Variants in FSIP1 observed in about 807,000 individuals in gnomAD.
The protein encoded by FSIP1 is fibrous sheath-interacting protein 1.
In FSIP1, 65 loss-of-function variants were observed where a neutral mutation model predicts 60.9. The ratio of observed to expected loss-of-function variants is 1.07; its 90% CI spans 0.87 to 1.31. The LOEUF (loss-of-function observed/expected upper bound fraction) is 1.31, where lower values mean the gene tolerates loss of function less well. Ranked by LOEUF, FSIP1 falls within the 40% of genes most tolerant of loss-of-function variation. The probability of loss-of-function intolerance (pLI) is 0.00; values close to 1 mark genes in which losing one functional copy is unlikely to be tolerated. For missense variants in FSIP1, 675 were observed against 665.5 expected, an observed-to-expected ratio of 1.01 and a Z score of -0.16; for synonymous variants, 209 against 221.2, an observed-to-expected ratio of 0.94 and a Z score of 0.49.
rs557244103 is a variant in FSIP1 at position 39,726,217 on chromosome 15, G to A, written c.1050+372C>T. 1.2e-4 allele frequency among the ~76,000 whole-genome samples: 19 copies of A among 152,228 alleles called. No individual in the cohort carries two copies. In the East Asian group the frequency reaches 3.7e-3, roughly 29 times the overall value. On this transcript the variant is annotated intron_variant, in intron 9 of 11. Coordinates refer to ENST00000350221, the MANE Select transcript of FSIP1 (RefSeq NM_152597.5). ...TAAATTAAAGGAGATAAAAGAATGT[G>A]GTGGAGTAAGGGACAATGGCTGTCA...
At chr15:39,605,268 C>T (rs1890781952) in intron 11 of FSIP1, among the ~76,000 whole-genome samples, 1 of 152,128 alleles carries the variant, frequency 6.6e-6, no homozygotes, top group Admixed American at 6.5e-5. Context: ...GCAGCCTGGA[C>T]ATTCCATCCC....
intron 11 of FSIP1, among the ~76,000 whole-genome samples, chr15:39,614,472 C>T (rs1215865628): frequency 1.3e-5 from 2 of 151,966 alleles, no homozygotes; most frequent in Non-Finnish European, 2.9e-5. Context: ...GGTGAAATCT[C>T]GTCTCTACTA....
intron 10 of FSIP1, among the ~76,000 whole-genome samples, chr15:39,650,318 T>A (rs923912896): frequency 6.6e-6 from 1 of 152,246 alleles, no homozygotes; most frequent in African/African-American, 2.4e-5. Context: ...TGGGAAATGT[T>A]GCCTACTATT....
chr15:39,682,697 G>C (rs966164231), intron 10 of FSIP1, among the ~76,000 whole-genome samples: 3 of 152,168 alleles, frequency 2.0e-5, no homozygotes, highest in African/African-American at 7.2e-5. Flanking sequence ...TTTCTGGTTT[G>C]TTTCCACTAC....
chr15:39,637,425 A>T (rs1892182080), intron 10 of FSIP1, among the ~76,000 whole-genome samples: 1 of 152,228 alleles, frequency 6.6e-6, no homozygotes. Context: ...ATCATGCCAC[A>T]GAATTTAAGG....
chr15:39,733,064 C>G (rs1010167069), intron 8 of FSIP1, among the ~76,000 whole-genome samples: 2 of 151,776 alleles, frequency 1.3e-5, no homozygotes, highest in Non-Finnish European at 2.9e-5. Context: ...TTTTTTGAGA[C>G]GAGTCTCTCT....
chr15:39,698,982 G>T (rs1894942925), intron 10 of FSIP1, among the ~76,000 whole-genome samples: 1 of 152,136 alleles, frequency 6.6e-6, no homozygotes, highest in South Asian at 2.1e-4. Flanking sequence ...CTTTATGATG[G>T]GACAACTGCC....
At chr15:39,683,393 A>T (rs1476748663) in intron 10 of FSIP1, among the ~76,000 whole-genome samples, 5 of 146,202 alleles carry the variant, frequency 3.4e-5, no homozygotes, top group Non-Finnish European at 7.5e-5. Flanking sequence ...TTCATGATTT[A>T]AAAAAAAAAA....
intron 5 of FSIP1, among the ~76,000 whole-genome samples, chr15:39,762,661 C>A (rs1897542515): frequency 6.6e-6 from 1 of 152,178 alleles, no homozygotes; most frequent in Non-Finnish European, 1.5e-5. Context: ...TAATGGCTGG[C>A]TTTCCTCTGA....
At chr15:39,736,392 T>C (rs767822884) in intron 8 of FSIP1, among the ~76,000 whole-genome samples, 7 of 152,250 alleles carry the variant, frequency 4.6e-5, no homozygotes, top group African/African-American at 9.6e-5. Context: ...TCTGTAGATA[T>C]GTTTTTGCTT....
intron 9 of FSIP1, among the ~76,000 whole-genome samples, chr15:39,720,010 T>G (rs1238609686): frequency 6.6e-6 from 1 of 152,178 alleles, no homozygotes; most frequent in South Asian, 2.1e-4. Flanking sequence ...AATGAGCAGA[T>G]GGTCAATAAG....
chr15:39,775,000 C>A (rs573321777), intron 2 of FSIP1, among the ~76,000 whole-genome samples: 3 of 152,124 alleles, frequency 2.0e-5, no homozygotes, highest in Non-Finnish European at 4.4e-5. Flanking sequence ...TTTTGAGGAA[C>A]TAAACTCTTT....
At chr15:39,687,360 G>A (rs1894424080) in intron 10 of FSIP1, among the ~76,000 whole-genome samples, 1 of 151,886 alleles carries the variant, frequency 6.6e-6, no homozygotes. Flanking sequence ...CACCATGTTG[G>A]CCAGGCTGGT....
chr15:39,714,348 T>C (rs16969679), intron 9 of FSIP1, among the ~76,000 whole-genome samples: 18,837 of 151,882 alleles, frequency 0.12, 1,389 homozygotes, highest in African/African-American at 0.2. Context: ...AATTTGGTCC[T>C]GTATCTAAGA....
intron 2 of FSIP1, among the ~76,000 whole-genome samples, chr15:39,774,319 C>T (rs1467421904): frequency 6.6e-6 from 1 of 151,930 alleles, no homozygotes; most frequent in African/African-American, 2.4e-5. Flanking sequence ...CCCATATCTA[C>T]TAAAAATAGA....
intron 10 of FSIP1, among the ~76,000 whole-genome samples, chr15:39,652,335 G>C (rs960658573): frequency 3.7e-4 from 56 of 152,198 alleles, no homozygotes; most frequent in Non-Finnish European, 6.5e-4. Context: ...TTTATTAAGA[G>C]AGCAAGAAGT....
At chr15:39,772,871 G>A (rs139200976) in intron 2 of FSIP1, among the ~76,000 whole-genome samples, 10 of 152,070 alleles carry the variant, frequency 6.6e-5, no homozygotes, top group Non-Finnish European at 8.8e-5. Flanking sequence ...GGTTACAGGC[G>A]TGAGCCACCG....
chr15:39,740,244 C>T (rs1228317486), intron 6 of FSIP1, among the ~76,000 whole-genome samples: 2 of 152,084 alleles, frequency 1.3e-5, no homozygotes, highest in African/African-American at 4.8e-5. Context: ...TTTTGTTTTG[C>T]CTGTCTTTTG....
chr15:39,675,240 TACA>T lies in FSIP1; in HGVS notation c.1188+38201_1188+38203del, dbSNP rs558370399. On this transcript the variant is annotated intron_variant, in intron 10 of 11. Coordinates refer to ENST00000350221, the MANE Select transcript of FSIP1 (RefSeq NM_152597.5). The stretch of plus-strand genomic sequence containing the variant: ...TATTGCTGGTAGGAATGTAAACTGG[TACA>T]ACTACTTTGGAAGGCATTATTGCAT... Among the ~76,000 whole-genome samples the T allele has an allele frequency of 1.2e-3, 184 of 152,304 alleles. 1 individual carries two copies. Among genetic ancestry groups the T allele is most frequent in the Non-Finnish European group, 2.2e-3 (150 of 68,012 alleles).
Sources: allele counts gnomAD v4.1 joint callset (sites outside exome capture counted in the v4.1 genomes callset), GRCh38; gene constraint gnomAD v4.1.1; transcripts MANE v1.5; gene names NCBI Gene and HGNC (gene_info 2026-07-23, HGNC 2026-07-21).